MFHAS1: variants seen among roughly 807,000 people sequenced by gnomAD.
The protein encoded by MFHAS1 is malignant fibrous histiocytoma-amplified sequence 1.
A neutral mutation model predicts 70.4 loss-of-function variants in MFHAS1; 50 were observed. The ratio of observed to expected loss-of-function variants is 0.71; its 90% CI spans 0.57 to 0.90. The LOEUF (loss-of-function observed/expected upper bound fraction) is 0.90. Ranked by LOEUF, MFHAS1 falls within the 40% of genes least tolerant of loss-of-function variation. The probability of loss-of-function intolerance (pLI) is 0.00; values close to 1 mark genes in which losing one functional copy is unlikely to be tolerated. For synonymous variants in MFHAS1, 952 were observed against 620.0 expected (o/e 1.54, Z -7.96); for missense variants, 1,795 against 1,347.6 (o/e 1.33, Z -5.20).
intron 1 of MFHAS1, among the ~76,000 whole-genome samples, chr8:8,868,987 C>G (rs560952350): frequency 1.3e-5 from 2 of 152,156 alleles, no homozygotes; most frequent in Admixed American, 1.3e-4. Flanking sequence ...GGGCATGTTC[C>G]TAACCATTTA....
At chr8:8,821,143 G>C (rs1024315281) in intron 1 of MFHAS1, among the ~76,000 whole-genome samples, 1 of 152,156 alleles carries the variant, frequency 6.6e-6, no homozygotes, top group African/African-American at 2.4e-5. Context: ...GCGAGTCCTT[G>C]GGTGTCAGAG....
chr8:8,791,573 C>A (rs1212626641), intron 2 of MFHAS1, among the ~76,000 whole-genome samples: 1 of 152,148 alleles, frequency 6.6e-6, no homozygotes, highest in Admixed American at 6.5e-5. Flanking sequence ...CAGCAAGCTG[C>A]CATTTGTCCA....
chr8:8,803,187 A>G (rs970209079), intron 1 of MFHAS1, among the ~76,000 whole-genome samples: 10 of 152,144 alleles, frequency 6.6e-5, no homozygotes, highest in African/African-American at 4.8e-5. Context: ...CCACGGATTC[A>G]ACCAACTGCA....
At chr8:8,792,806 G>T (rs1805762604) in intron 2 of MFHAS1, among the ~76,000 whole-genome samples, 2 of 152,096 alleles carry the variant, frequency 1.3e-5, no homozygotes. Flanking sequence ...GAATTTTCTG[G>T]TATGGAAATT....
chr8:8,841,393 T>C (rs1461473403), intron 1 of MFHAS1, among the ~76,000 whole-genome samples: 1 of 151,716 alleles, frequency 6.6e-6, no homozygotes. Context: ...GAGAATCGCT[T>C]GAACCCAGGA....
chr8:8,870,408 G>A (rs909674840), intron 1 of MFHAS1, among the ~76,000 whole-genome samples: 7 of 152,064 alleles, frequency 4.6e-5, no homozygotes, highest in African/African-American at 1.7e-4. Flanking sequence ...TGAGGCTGTG[G>A]TAAGCTGAAA....
At chr8:8,823,128 A>C (rs999986802) in intron 1 of MFHAS1, among the ~76,000 whole-genome samples, 3 of 152,162 alleles carry the variant, frequency 2.0e-5, no homozygotes, top group Admixed American at 6.5e-5. Context: ...CAGAATCCTG[A>C]CTTTCCTTTC....
At chr8:8,825,350 T>G (rs1045294339) in intron 1 of MFHAS1, among the ~76,000 whole-genome samples, 1 of 152,204 alleles carries the variant, frequency 6.6e-6, no homozygotes, top group Non-Finnish European at 1.5e-5. Flanking sequence ...TTTTTGTGTT[T>G]GTAGCAGAGA....
intron 1 of MFHAS1, among the ~76,000 whole-genome samples, chr8:8,831,763 C>T (rs1807396916): frequency 1.3e-5 from 2 of 152,082 alleles, no homozygotes; most frequent in South Asian, 4.1e-4. Flanking sequence ...CATGCGCCAC[C>T]ACACCCATCT....
chr8:8,830,735 T>G (rs548043657), intron 1 of MFHAS1, among the ~76,000 whole-genome samples: 1 of 152,308 alleles, frequency 6.6e-6, no homozygotes, highest in South Asian at 2.1e-4. Context: ...CCCGAGTAGC[T>G]GGGATTACAG....
intron 2 of MFHAS1, among the ~76,000 whole-genome samples, chr8:8,789,946 C>A (rs1401009915): frequency 3.3e-5 from 5 of 152,144 alleles, no homozygotes; most frequent in Non-Finnish European, 2.9e-5. Flanking sequence ...TCCCCTCTCC[C>A]CTCCTGCCCC....
At position 8,784,647 on chromosome 8, in the gene MFHAS1, A is replaced by T. The variant is rs1381295207; in HGVS notation, c.*1375T>A. On this transcript the variant is annotated 3_prime_UTR_variant, in exon 3 of 3. Coordinates refer to ENST00000276282, the MANE Select transcript of MFHAS1 (RefSeq NM_004225.3). ...GAGTCAATACTTTACAAAAGAAGTAAAAGAGTAGCGAGTACCAGCAACTCA... is the reference window on the plus strand; with the variant it reads ...GAGTCAATACTTTACAAAAGAAGTATAAGAGTAGCGAGTACCAGCAACTCA... 2.0e-5 allele frequency: 3 copies of T among 152,220 alleles called. No homozygotes were observed. The highest frequency in any genetic ancestry group is 4.8e-5 in the African/African-American group (2 of 41,448). The allele number at this position is 152,220 out of a possible 1,614,324, so 9.4% of individuals were successfully genotyped here.
At chr8:8,833,054 G>A (rs1036568238) in intron 1 of MFHAS1, among the ~76,000 whole-genome samples, 1 of 152,158 alleles carries the variant, frequency 6.6e-6, no homozygotes, top group Non-Finnish European at 1.5e-5. Flanking sequence ...GGGGGAGCAG[G>A]TGTCTTACAT....
chr8:8,866,790 G>A (rs1341145524), intron 1 of MFHAS1, among the ~76,000 whole-genome samples: 3 of 152,148 alleles, frequency 2.0e-5, no homozygotes. Flanking sequence ...ATGACTACTT[G>A]GATATCTCTC....
intron 1 of MFHAS1, among the ~76,000 whole-genome samples, chr8:8,888,791 A>G (rs1397789213): frequency 6.6e-6 from 1 of 152,200 alleles, no homozygotes; most frequent in Non-Finnish European, 1.5e-5. Flanking sequence ...GTCATTGGAC[A>G]TTTGTCCAAA....
At chr8:8,798,163 T>C (rs1175810647) in intron 1 of MFHAS1, among the ~76,000 whole-genome samples, 1 of 152,190 alleles carries the variant, frequency 6.6e-6, no homozygotes, top group Non-Finnish European at 1.5e-5. Flanking sequence ...TAATCTCTCT[T>C]CAACTAGATC....
rs777355753 is a variant in MFHAS1, at chr8:8,786,066, G to A, written c.3126-11C>T. The A allele has an allele frequency of 1.1e-5, 17 of 1,613,440 alleles. No individual in the cohort carries two copies. Among genetic ancestry groups the A allele is most frequent in the Non-Finnish European group, 6.8e-6 (8 of 1,179,464 alleles). ...TCACCAACATTCTTCCTGTATGGGT[G>A]GACAACAAGAAAGCACAGAGATGAC... On this transcript the variant is annotated splice_polypyrimidine_tract_variant and intron_variant, in intron 2 of 2. Coordinates refer to ENST00000276282, the MANE Select transcript of MFHAS1 (RefSeq NM_004225.3).
intron 1 of MFHAS1, among the ~76,000 whole-genome samples, chr8:8,807,568 T>C (rs1014977303): frequency 2.6e-5 from 4 of 152,190 alleles, no homozygotes; most frequent in Non-Finnish European, 4.4e-5. Flanking sequence ...TTTCATCAGT[T>C]GATTTTCACT....
intron 1 of MFHAS1, among the ~76,000 whole-genome samples, chr8:8,868,669 T>C (rs181047976): frequency 6.6e-5 from 10 of 152,250 alleles, no homozygotes; most frequent in East Asian, 1.9e-4. Context: ...CCCTCTCTAA[T>C]GAATTACTCA....
Sources: allele counts gnomAD v4.1 joint callset (sites outside exome capture counted in the v4.1 genomes callset), GRCh38; gene constraint gnomAD v4.1.1; transcripts MANE v1.5; gene names NCBI Gene and HGNC (gene_info 2026-07-23, HGNC 2026-07-21).